The following SPEG variants were observed in gnomAD, a reference collection of about 807,000 sequenced individuals.
SPEG encodes the protein striated muscle preferentially expressed protein kinase.
SPEG carries 114 observed loss-of-function variants against 300.4 expected under a neutral mutation model. That is an observed-to-expected ratio of 0.38 (90% CI 0.33 to 0.44). The LOEUF (loss-of-function observed/expected upper bound fraction) is 0.44, where lower values mean the gene tolerates loss of function less well. Ranked by LOEUF, SPEG falls within the 20% of genes least tolerant of loss-of-function variation. The probability of loss-of-function intolerance (pLI) is 1.00; values close to 1 mark genes in which losing one functional copy is unlikely to be tolerated. For missense variants in SPEG, 4,201 were observed against 4,586.2 expected (o/e 0.92, Z 2.43); for synonymous variants, 1,964 against 2,018.9 (o/e 0.97, Z 0.73).
At position 219,484,157 on chromosome 2, in the gene SPEG, C is replaced by G. The variant is rs371302780; in HGVS notation, c.6694C>G (p.Pro2232Ala). ...PVRASKPAPP[P>A]QALQTLALPL... ...CCGAGCCTCCAAGCCTGCACCACCC[C>G]CCCAGGCCCTGCAAACCCTAGCGCT... The change falls in exon 30 of 41, where the codon CCC becomes GCC. Residue 2232 changes from proline (P) to alanine (A), a missense_variant. By Grantham distance (27) the Pro-to-Ala change is conservative (BLOSUM62 -1). Coordinates refer to ENST00000312358, the MANE Select transcript of SPEG (RefSeq NM_005876.5). 1.7e-5 allele frequency: 27 copies of G among 1,613,718 alleles called. No individual in the cohort carries two copies. Among genetic ancestry groups the G allele is most frequent in the South Asian group, 9.9e-5 (9 of 91,088 alleles).
intron 1 of SPEG, among the ~76,000 whole-genome samples, chr2:219,442,378 A>C (rs1688986021): frequency 6.7e-6 from 1 of 150,194 alleles, no homozygotes; most frequent in Non-Finnish European, 1.5e-5. Context: ...TGGAGCGCCC[A>C]CTTGCTTCTT....
intron 38 of SPEG, among the ~76,000 whole-genome samples, chr2:219,491,364 G>T (rs1042619074): frequency 1.3e-5 from 2 of 152,196 alleles, no homozygotes; most frequent in Non-Finnish European, 2.9e-5. Flanking sequence ...TACGGATGAG[G>T]CTGTGGAGAG....
Position 219,469,360 on chromosome 2 carries a change from C to CA in SPEG, c.3696_3697insA (p.Asp1233ArgfsTer119). ...ATGGCCACCGCATCCAGAGCAGCGA[C>CA]GACCGGCGCATGACACAGTGTACGT... On this transcript the variant is annotated frameshift_variant, in exon 13 of 41. Transcript: ENST00000312358. LOFTEE classifies it high-confidence loss of function. The CA allele has an allele frequency of 6.2e-7, 1 of 1,613,580 alleles. No individual in the cohort carries two copies. Among genetic ancestry groups the CA allele is most frequent in the Non-Finnish European group, 8.5e-7 (1 of 1,179,822 alleles).
chr2:219,492,649 C>T lies in SPEG; in HGVS notation c.9667C>T (p.Leu3223=), dbSNP rs1694082300. 2 of 1,611,234 alleles carry T rather than the reference C, an allele frequency of 1.2e-6. No homozygotes were observed. Among genetic ancestry groups the T allele is most frequent in the African/African-American group, 1.3e-5 (1 of 74,938 alleles). The change falls in exon 41 of 41, where the codon CTG becomes TTG. Residue 3223 remains leucine, a synonymous_variant. Coordinates refer to ENST00000312358, the MANE Select transcript of SPEG (RefSeq NM_005876.5). ...CCACCCATGGTTGCAGGACGCCTAC[C>T]TGATGAAGCTGCGCCGCCAGACGCT... is the stretch of plus-strand genomic sequence containing the variant. The part of the protein sequence containing the change: ...LAHPWLQDAY[L]MKLRRQTLTF...
chr2:219,480,780 C>G lies in SPEG; in HGVS notation c.5369+83C>G. 7.7e-7 allele frequency: 1 copy of G among 1,292,046 alleles called. No individual in the cohort carries two copies. The highest frequency in any genetic ancestry group is 1.2e-5 in the South Asian group (1 of 84,436). The allele number at this position is 1,292,046 out of a possible 1,614,324, so 80.0% of individuals were successfully genotyped here. ...GCAGGGCTGCAGCCCACCCCCTTCT[C>G]TTCCGCACCCCCCACTCCTTCTTGC... On this transcript the variant is annotated intron_variant, in intron 26 of 40. Transcript: ENST00000312358. The surrounding 1 kb of genome is among the most constrained non-coding windows in gnomAD (Gnocchi z 5.3).
Position 219,439,965 on chromosome 2 carries a change from C to T in SPEG, c.388+4600C>T, listed in dbSNP as rs1169591798. ...CCTCTGGCTGGAACGAGTGTGGACA[C>T]ACATATGTGCCCTCTCAGCACACGT... is the stretch of plus-strand genomic sequence containing the variant. On this transcript the variant is annotated intron_variant, in intron 1 of 40. Coordinates refer to ENST00000312358, the MANE Select transcript of SPEG (RefSeq NM_005876.5). The surrounding 1 kb of genome is among the most constrained non-coding windows in gnomAD (Gnocchi z 4.5). Among the ~76,000 whole-genome samples the T allele has an allele frequency of 2.0e-5, 3 of 152,198 alleles. No individual in the cohort carries two copies. The highest frequency in any genetic ancestry group is 4.4e-5 in the Non-Finnish European group (3 of 68,046).
At chr2:219,461,358 A>C in intron 6 of SPEG, 5 of 988,176 alleles carry the variant, frequency 5.1e-6, no homozygotes, top group Non-Finnish European at 6.0e-6. Flanking sequence ...GGGGCAGGCT[A>C]GATAGTGCCG....
At chr2:219,466,071 G>A in intron 9 of SPEG, 1 of 1,603,186 alleles carries the variant, frequency 6.2e-7, no homozygotes, top group Non-Finnish European at 8.5e-7. Context: ...GTGAGCTCAG[G>A]GGGCCACCTG....
At chr2:219,462,768 A>T (rs1690845344) in intron 8 of SPEG, among the ~76,000 whole-genome samples, 1 of 152,202 alleles carries the variant, frequency 6.6e-6, no homozygotes, top group African/African-American at 2.4e-5. Context: ...ATACAAAAAA[A>T]TTAGCCAGAT....
At position 219,484,152 on chromosome 2, in the gene SPEG, C is replaced by T. The variant is rs753925040; in HGVS notation, c.6689C>T (p.Pro2230Leu). 8.6e-5 allele frequency: 138 copies of T among 1,613,636 alleles called. No individual in the cohort carries two copies. Among genetic ancestry groups the T allele is most frequent in the South Asian group, 6.3e-4 (57 of 91,084 alleles). Residue 2230 changes from proline (P) to leucine (L), a missense_variant, in exon 30 of 41, where the codon CCA (proline) becomes CTA (leucine). Physicochemically the swap from Pro to Leu is moderately conservative, Grantham distance 98. Around this residue, in one of 4 missense-constraint regions of SPEG, gnomAD observed 1,578 missense variants for 1,506.0 expected, o/e 1.05. Coordinates refer to ENST00000312358, the MANE Select transcript of SPEG (RefSeq NM_005876.5). ...CCAGTCCGAGCCTCCAAGCCTGCACCACCCCCCCAGGCCCTGCAAACCCTA... is the reference window on the plus strand; with the variant it reads ...CCAGTCCGAGCCTCCAAGCCTGCACTACCCCCCCAGGCCCTGCAAACCCTA... ...PEPVRASKPA[P>L]PPQALQTLAL... is the part of the protein sequence containing the mutation.
intron 36 of SPEG, 44 bp downstream of exon 36, chr2:219,489,983 C>T: frequency 6.6e-7 from 1 of 1,519,892 alleles, no homozygotes; most frequent in Non-Finnish European, 8.8e-7. Context: ...GGGAGTGGGC[C>T]AAATGTCTGG....
intron 1 of SPEG, among the ~76,000 whole-genome samples, chr2:219,442,296 C>G (rs1688980300): frequency 2.0e-5 from 3 of 151,904 alleles, no homozygotes; most frequent in Admixed American, 2.0e-4. Context: ...CGCTGAAGGG[C>G]AGATCCCCCG....
intron 1 of SPEG, among the ~76,000 whole-genome samples, chr2:219,436,367 C>T (rs935245714): frequency 8.1e-4 from 123 of 152,250 alleles, no homozygotes; most frequent in African/African-American, 2.8e-3. Context: ...CCAAGTGGTA[C>T]TTCTCTAGCC....
Position 219,468,954 on chromosome 2 carries a change from C to A in SPEG, c.3397C>A (p.Leu1133Ile), listed in dbSNP as rs746963657. 6.8e-6 allele frequency: 11 copies of A among 1,613,858 alleles called. No individual in the cohort carries two copies. The highest frequency in any genetic ancestry group is 9.3e-6 in the Non-Finnish European group (11 of 1,180,004). The change falls in exon 12 of 41, where the codon CTC becomes ATC. Residue 1133 changes from leucine to isoleucine, a missense_variant. By Grantham distance (5) the Leu-to-Ile change is conservative. Transcript: ENST00000312358. Reference protein sequence around the residue: ...IAHVGSEDEGLYAVSAVNTHG... With the variant: ...IAHVGSEDEGIYAVSAVNTHG... ...CCATGTGGGCAGCGAGGACGAGGGG[C>A]TCTATGCGGTCAGTGCTGTTAACAC...
In SPEG at chr2:219,472,022, C is replaced by T. The variant is rs747145646; in HGVS notation, c.3835+35C>T. On this transcript the variant is annotated intron_variant, in intron 14 of 40. Coordinates refer to ENST00000312358, the MANE Select transcript of SPEG (RefSeq NM_005876.5). ...GCACCCTCGTGGTCAGCTGCACGCA[C>T]AGCCTGGCCTCTGGCACTACGTGGG... is the stretch of plus-strand genomic sequence containing the variant. The T allele has an allele frequency of 8.1e-6, 13 of 1,605,518 alleles. No homozygotes were observed. The South Asian group carries it at 9.9e-5, about 12-fold the overall frequency.
chr2:219,486,062 A>G (rs1423063042), intron 31 of SPEG, among the ~76,000 whole-genome samples: 1 of 152,190 alleles, frequency 6.6e-6, no homozygotes, highest in African/African-American at 2.4e-5. Flanking sequence ...TGTGCCCCCT[A>G]AGTCTCCATT....
At chr2:219,460,241 C>T (rs774564302) in intron 6 of SPEG, 4 of 931,566 alleles carry the variant, frequency 4.3e-6, no homozygotes, top group Non-Finnish European at 5.1e-6. Flanking sequence ...TTCTGGGCCC[C>T]CTCAGATTCT....
In SPEG at chr2:219,448,850, G is replaced by C; in HGVS notation, c.1692G>C (p.Pro564=). ...CCTCTCCGAGCAGCGCGGAGAAGCC[G>C]GGGGACGAGCCTGGGAGGCCCAGGA... is the stretch of plus-strand genomic sequence containing the variant. ...QPPSPSSAEK[P]GDEPGRPRSR... Residue 564 remains proline, a synonymous_variant, in exon 4 of 41, where the codon CCG becomes CCC. Coordinates refer to ENST00000312358, the MANE Select transcript of SPEG (RefSeq NM_005876.5). 7.1e-7 allele frequency: 1 copy of C among 1,401,874 alleles called. No individual in the cohort carries two copies. Among genetic ancestry groups the C allele is most frequent in the Non-Finnish European group, 9.2e-7 (1 of 1,086,350 alleles). The allele number at this position is 1,401,874 out of a possible 1,614,324, so 86.8% of individuals were successfully genotyped here.
In SPEG at chr2:219,466,911, G is replaced by A. The variant is rs911787891; in HGVS notation, c.2882-263G>A. ...CCCCCGCCGATGTCTCTGCCACCAC[G>A]TGGCCCTCTCAGTTTCCCCTCCCTC... On this transcript the variant is annotated intron_variant, in intron 9 of 40. Coordinates refer to ENST00000312358, the MANE Select transcript of SPEG (RefSeq NM_005876.5). The A allele has an allele frequency of 1.3e-5, 15 of 1,177,196 alleles. No individual in the cohort carries two copies. The East Asian group carries it at 2.9e-4, about 23-fold the overall frequency. The allele number at this position is 1,177,196 out of a possible 1,614,324, so 72.9% of individuals were successfully genotyped here. A position where few individuals can be genotyped will look rare whatever the true frequency, so the allele number is the denominator to read the frequency against.
Sources: allele counts gnomAD v4.1 joint callset (sites outside exome capture counted in the v4.1 genomes callset), GRCh38; gene constraint gnomAD v4.1.1; regional missense constraint gnomAD v4.1.1; non-coding constraint Gnocchi (gnomAD v3.1); transcripts MANE v1.5; gene names NCBI Gene and HGNC (gene_info 2026-07-23, HGNC 2026-07-21).